The following ABLIM1 variants were observed in gnomAD, a reference collection of about 807,000 sequenced individuals.
ABLIM1 encodes the protein actin binding LIM protein 1.
Under a neutral mutation model 107.0 loss-of-function variants are expected in ABLIM1, and 40 were observed. That is an observed-to-expected ratio of 0.37 (90% CI 0.29 to 0.49). ABLIM1 has a LOEUF of 0.49. ABLIM1 is among the 20% of genes least tolerant of loss of function. The pLI is 0.97. For synonymous variants in ABLIM1, 357 were observed against 357.3 expected (o/e 1.00, Z 0.01); for missense variants, 857 against 1,008.5 (o/e 0.85, Z 2.04).
chr10:114,618,733 C>A (rs1352242786), intron 1 of ABLIM1, among the ~76,000 whole-genome samples: 1 of 152,258 alleles, frequency 6.6e-6, no homozygotes, highest in African/African-American at 2.4e-5. Context: ...GGTCATCTTG[C>A]ACCACGCTAG....
chr10:114,780,674 G>C, the ABLIM1 span, among the ~76,000 whole-genome samples: 1 of 152,086 alleles, frequency 6.6e-6, no homozygotes, highest in African/African-American at 2.4e-5. Context: ...TTGGTCTGTT[G>C]GGCCCAGTGC....
chr10:114,745,577 A>G (rs1432204938), intron 1 of ABLIM1, among the ~76,000 whole-genome samples: 1 of 151,516 alleles, frequency 6.6e-6, no homozygotes, highest in African/African-American at 2.4e-5. Context: ...TATATAAAAT[A>G]TTTCCTAATT....
At chr10:114,616,329 A>C (rs2077130056) in intron 1 of ABLIM1, among the ~76,000 whole-genome samples, 1 of 152,224 alleles carries the variant, frequency 6.6e-6, no homozygotes, top group African/African-American at 2.4e-5. Context: ...TCCTGAGCAC[A>C]CATGGCTTCC....
In ABLIM1 at chr10:114,465,815, C is replaced by A. The variant is rs761826504; in HGVS notation, c.1324G>T (p.Val442Phe). The A allele has an allele frequency of 2.5e-6, 4 of 1,614,028 alleles. No individual in the cohort carries two copies. Among genetic ancestry groups the A allele is most frequent in the Non-Finnish European group, 3.4e-6 (4 of 1,180,024 alleles). ...GACCGATGGATCATCCGATCCCGAACATCCTGGTACCCCTGGAAACAAAGT... is the reference window on the plus strand; with the variant it reads ...GACCGATGGATCATCCGATCCCGAAAATCCTGGTACCCCTGGAAACAAAGT... ...PTPSAEGYQDVRDRMIHRSTS... is the reference protein window; with the variant it reads ...PTPSAEGYQDFRDRMIHRSTS... Residue 442 changes from valine (V) to phenylalanine (F), a missense_variant, in exon 12 of 23, where the codon GTT (valine) becomes TTT (phenylalanine). Around this residue, in one of 5 missense-constraint regions of ABLIM1, gnomAD observed 381 missense variants for 506.9 expected, o/e 0.75. Coordinates refer to ENST00000533213, the MANE Select transcript of ABLIM1 (RefSeq NM_002313.7).
intron 1 of ABLIM1, among the ~76,000 whole-genome samples, chr10:114,734,646 CA>C (rs35819332): frequency 0.057 from 8,679 of 152,258 alleles, 329 homozygotes; most frequent in Middle Eastern, 0.092. Flanking sequence ...CCACTGGGCA[CA>C]TAATAAGGTT....
the ABLIM1 span, among the ~76,000 whole-genome samples, chr10:114,794,419 G>A: frequency 6.6e-6 from 1 of 152,124 alleles, no homozygotes; most frequent in Admixed American, 6.5e-5. Flanking sequence ...TAAGTACTCA[G>A]TAAGTTTTGC....
At chr10:114,666,175 T>C (rs570225524) in intron 1 of ABLIM1, among the ~76,000 whole-genome samples, 9 of 152,284 alleles carry the variant, frequency 5.9e-5, no homozygotes, top group South Asian at 4.1e-4. Flanking sequence ...ACTGAATCTA[T>C]TGGCTGCCAA....
intron 1 of ABLIM1, among the ~76,000 whole-genome samples, chr10:114,719,075 T>C (rs1163695653): frequency 6.6e-6 from 1 of 152,156 alleles, no homozygotes; most frequent in Admixed American, 6.5e-5. Context: ...CTGGCAAGAA[T>C]GGCCTGGGTT....
At chr10:114,460,447 G>A (rs1240414483) in intron 12 of ABLIM1, among the ~76,000 whole-genome samples, 1 of 152,210 alleles carries the variant, frequency 6.6e-6, no homozygotes, top group South Asian at 2.1e-4. Flanking sequence ...CTAAAAATAC[G>A]AAAATTAGCT....
intron 4 of ABLIM1, among the ~76,000 whole-genome samples, chr10:114,570,795 G>C (rs1285516221): frequency 6.6e-6 from 1 of 151,732 alleles, no homozygotes; most frequent in Non-Finnish European, 1.5e-5. Context: ...TTTTTGTAGA[G>C]ACGGGATTTT....
intron 6 of ABLIM1, among the ~76,000 whole-genome samples, chr10:114,509,180 G>T (rs1565698731): frequency 6.6e-6 from 1 of 152,186 alleles, no homozygotes; most frequent in African/African-American, 2.4e-5. Flanking sequence ...GACAACCAGG[G>T]TCACATAAGG....
At chr10:114,722,830 C>T (rs1277151282) in intron 1 of ABLIM1, among the ~76,000 whole-genome samples, 1 of 152,176 alleles carries the variant, frequency 6.6e-6, no homozygotes, top group Non-Finnish European at 1.5e-5. Context: ...TTTTTCCCTT[C>T]TTTTCTGGCA....
chr10:114,577,681 C>T (rs557764484), intron 2 of ABLIM1, among the ~76,000 whole-genome samples: 48 of 152,238 alleles, frequency 3.2e-4, no homozygotes, highest in African/African-American at 1.1e-3. Context: ...AAAATGAATT[C>T]TTAACACTAC....
At chr10:114,487,460 C>T (rs1013452543) in intron 8 of ABLIM1, among the ~76,000 whole-genome samples, 1 of 152,174 alleles carries the variant, frequency 6.6e-6, no homozygotes, top group Admixed American at 6.5e-5. Flanking sequence ...ACTAATTTAC[C>T]TGTCTTGGTT....
At chr10:114,729,671 T>C (rs1285492850) in intron 1 of ABLIM1, among the ~76,000 whole-genome samples, 1 of 152,054 alleles carries the variant, frequency 6.6e-6, no homozygotes, top group African/African-American at 2.4e-5. Context: ...CATACAACCA[T>C]ATTTTGAGAA....
chr10:114,593,028 C>CTAGGAAGTAGACAGGGAGAAGAGG (rs140420642), intron 2 of ABLIM1, among the ~76,000 whole-genome samples: 1 of 151,832 alleles, frequency 6.6e-6, no homozygotes, highest in Admixed American at 6.6e-5. Flanking sequence ...GATGAGGTCA[C>CTAGGAAGTAGACAGGGAGAAGAGG]TCTGAGTATG....
chr10:114,653,559 C>CA (rs1263923506), intron 1 of ABLIM1, among the ~76,000 whole-genome samples: 1 of 151,964 alleles, frequency 6.6e-6, no homozygotes, highest in Non-Finnish European at 1.5e-5. Context: ...CAAAACCAAA[C>CA]AAAAAAAGAC....
intron 1 of ABLIM1, among the ~76,000 whole-genome samples, chr10:114,603,095 T>C (rs897614205): frequency 2.6e-5 from 4 of 152,162 alleles, no homozygotes; most frequent in African/African-American, 7.2e-5. Context: ...GACAAGAACA[T>C]TGAACCTAAA....
chr10:114,535,712 A>G (rs2065928318), intron 6 of ABLIM1, among the ~76,000 whole-genome samples: 1 of 152,236 alleles, frequency 6.6e-6, no homozygotes, highest in Non-Finnish European at 1.5e-5. Context: ...ATTGAGAGAT[A>G]AATCACATAC....
Sources: gnomAD v4.1 joint callset for allele counts (sites outside exome capture counted in the v4.1 genomes callset) on GRCh38, gnomAD v4.1.1 for gene constraint, gnomAD v4.1.1 regional missense constraint, MANE v1.5 for transcripts, NCBI Gene and HGNC (gene_info 2026-07-23, HGNC 2026-07-21) for gene names.